The following ABCA12 variants were observed in gnomAD, a reference collection of about 807,000 sequenced individuals.
ABCA12 encodes the protein glucosylceramide transporter ABCA12.
ABCA12 carries 156 observed loss-of-function variants against 293.5 expected under a neutral mutation model. The observed-to-expected ratio is 0.53, with a 90% CI of 0.47 to 0.61. The LOEUF (loss-of-function observed/expected upper bound fraction) is 0.61, where lower values mean the gene tolerates loss of function less well. ABCA12 is among the 20% of genes least tolerant of loss of function. The pLI, the probability that ABCA12 is intolerant of heterozygous loss-of-function variation, is 0.00. For synonymous variants in ABCA12, 1,063 were observed against 1,108.0 expected, an observed-to-expected ratio of 0.96 and a Z score of 0.81; for missense variants, 2,797 against 3,090.2, an observed-to-expected ratio of 0.91 and a Z score of 2.25.
intron 1 of ABCA12, among the ~76,000 whole-genome samples, chr2:215,133,149 A>ATTTTTTTTTTTTTTTTTTT: frequency 2.9e-5 from 1 of 34,832 alleles, no homozygotes; most frequent in Non-Finnish European, 7.1e-5. Flanking sequence ...GCTGGCTTTA[A>ATTTTTTTTTTTTTTTTTTT]TTTTTTTTTT....
intron 2 of ABCA12, among the ~76,000 whole-genome samples, chr2:215,078,306 A>G (rs1701872168): frequency 6.6e-6 from 1 of 152,228 alleles, no homozygotes; most frequent in East Asian, 1.9e-4. Context: ...TTCATTGGCA[A>G]ACTCAGGCCA....
chr2:214,968,024 A>G (rs1699303834), intron 38 of ABCA12, among the ~76,000 whole-genome samples: 1 of 152,182 alleles, frequency 6.6e-6, no homozygotes, highest in South Asian at 2.1e-4. Context: ...ATTTGGTTAA[A>G]GTTTCCAGGT....
In ABCA12 at chr2:214,945,042, T is replaced by C; in HGVS notation, c.7302A>G (p.Glu2434=). The C allele has an allele frequency of 6.2e-7, 1 of 1,613,848 alleles. No homozygotes were observed. Among genetic ancestry groups the C allele is most frequent in the Non-Finnish European group, 8.5e-7 (1 of 1,179,888 alleles). The change falls in exon 49 of 53, where the codon GAA becomes GAG. Residue 2434 remains glutamate (E), a synonymous_variant. Transcript: ENST00000272895. ...TGACGGAACATTTGTTCTGTACTTC[T>C]TCTGAAATGATCTTCCAGAGGTGCC... ...SKRHLWKIIS[E]EVQNKCSVIL... is the part of the protein sequence containing the mutation.
At chr2:215,131,224 A>T (rs191037008) in intron 1 of ABCA12, among the ~76,000 whole-genome samples, 9 of 152,010 alleles carry the variant, frequency 5.9e-5, no homozygotes, top group South Asian at 4.1e-4. Flanking sequence ...GATTTTGATA[A>T]GCATGGTGAT....
rs553939103 is a variant in ABCA12 at position 214,935,262 on chromosome 2, G to C, written c.7543-1047C>G. On this transcript the variant is annotated intron_variant, in intron 51 of 52. Transcript: ENST00000272895. Reference sequence around the variant, plus strand: ...AACCACCACAAATTTGTAAAGAATGGTCTGCTAGGGAGAAATCAGACTTTT... The same window carrying C: ...AACCACCACAAATTTGTAAAGAATGCTCTGCTAGGGAGAAATCAGACTTTT... Among the ~76,000 whole-genome samples the C allele has an allele frequency of 1.2e-4, 19 of 152,222 alleles. No homozygotes were observed. In the South Asian group the frequency reaches 3.7e-3, roughly 30 times the overall value.
chr2:214,939,555 A>C (rs1300525987), intron 50 of ABCA12, among the ~76,000 whole-genome samples: 1 of 152,210 alleles, frequency 6.6e-6, no homozygotes, highest in African/African-American at 2.4e-5. Flanking sequence ...TACTTTGGAC[A>C]GTATGGCCAT....
At chr2:215,051,859 A>G (rs1201102919) in intron 5 of ABCA12, among the ~76,000 whole-genome samples, 2 of 152,122 alleles carry the variant, frequency 1.3e-5, no homozygotes, top group African/African-American at 4.8e-5. Context: ...GTAGTTACAA[A>G]GAGCACGTGT....
intron 2 of ABCA12, among the ~76,000 whole-genome samples, chr2:215,090,872 C>A (rs539113601): frequency 8.5e-5 from 13 of 152,266 alleles, no homozygotes; most frequent in Non-Finnish European, 1.9e-4. Context: ...TTCTAAAAAA[C>A]TTAAAACCTC....
chr2:215,100,080 T>C (rs1397854289), intron 2 of ABCA12, among the ~76,000 whole-genome samples: 1 of 151,472 alleles, frequency 6.6e-6, no homozygotes, highest in East Asian at 1.9e-4. Context: ...AGTGGCACAA[T>C]CATGGCTCAC....
At chr2:215,101,249 T>C (rs2106117055) in intron 2 of ABCA12, among the ~76,000 whole-genome samples, 1 of 152,328 alleles carries the variant, frequency 6.6e-6, no homozygotes, top group African/African-American at 2.4e-5. Context: ...TTCACAGTGA[T>C]GAGCTGATCT....
chr2:215,003,255 A>T (rs1245869797), intron 20 of ABCA12, among the ~76,000 whole-genome samples: 1 of 152,146 alleles, frequency 6.6e-6, no homozygotes, highest in Non-Finnish European at 1.5e-5. Flanking sequence ...ACACAGCCTG[A>T]ATTAGATGTC....
chr2:215,050,862 C>CAGAG (rs1701305996), intron 5 of ABCA12: 2 of 976,462 alleles, frequency 2.0e-6, no homozygotes, highest in Non-Finnish European at 2.4e-6. Flanking sequence ...AAAGAGGAAT[C>CAGAG]AGAGAGATTG....
intron 33 of ABCA12, among the ~76,000 whole-genome samples, 170 bp downstream of exon 33, chr2:214,978,146 G>C (rs189188077): frequency 6.6e-5 from 10 of 152,214 alleles, no homozygotes; most frequent in Admixed American, 6.5e-4. Context: ...ATTCGATTTG[G>C]TTTAATGAAT....
intron 2 of ABCA12, among the ~76,000 whole-genome samples, chr2:215,090,695 G>A (rs1219603447): frequency 1.3e-5 from 2 of 152,078 alleles, no homozygotes; most frequent in African/African-American, 2.4e-5. Flanking sequence ...TCACCACGGG[G>A]ATGCCTGTCT....
At chr2:215,058,710 G>A (rs1164848372) in intron 3 of ABCA12, among the ~76,000 whole-genome samples, 2 of 151,966 alleles carry the variant, frequency 1.3e-5, no homozygotes, top group South Asian at 4.1e-4. Context: ...GGTACGATGG[G>A]CATGGCTAAG....
At position 214,932,553 on chromosome 2, in the gene ABCA12, T is replaced by C; in HGVS notation, c.*81A>G. 2.0e-6 allele frequency: 2 copies of C among 989,096 alleles called. No homozygotes were observed. Among genetic ancestry groups the C allele is most frequent in the Non-Finnish European group, 3.2e-6 (2 of 624,980 alleles). The allele number at this position is 989,096 out of a possible 1,614,324, so 61.3% of individuals were successfully genotyped here. A position where few individuals can be genotyped will look rare whatever the true frequency, so the allele number is the denominator to read the frequency against. Reference sequence around the variant, plus strand: ...ATTACTTTACTTTAAAATGAAGATATCTTGCGGAAGTGTATCTTCTGTGGC... The same window carrying C: ...ATTACTTTACTTTAAAATGAAGATACCTTGCGGAAGTGTATCTTCTGTGGC... On this transcript the variant is annotated 3_prime_UTR_variant, in exon 53 of 53. Coordinates refer to ENST00000272895, the MANE Select transcript of ABCA12 (RefSeq NM_173076.3).
intron 11 of ABCA12, among the ~76,000 whole-genome samples, chr2:215,021,119 A>C (rs1350520946): frequency 6.6e-6 from 1 of 152,198 alleles, no homozygotes; most frequent in African/African-American, 2.4e-5. Context: ...TGAGTGTTGG[A>C]ATTACAGATG....
At chr2:214,967,737 C>A (rs1375339921) in intron 38 of ABCA12, among the ~76,000 whole-genome samples, 1 of 152,068 alleles carries the variant, frequency 6.6e-6, no homozygotes, top group Non-Finnish European at 1.5e-5. Flanking sequence ...ATTTATCACA[C>A]AGGGATGCTG....
rs182291397 is a variant in ABCA12, at chr2:214,965,081, C to T, written c.5884+1767G>A. 3.0e-3 allele frequency among the ~76,000 whole-genome samples: 454 copies of T among 152,174 alleles called. 3 individuals carry two copies. The highest frequency in any genetic ancestry group is 0.014 in the Middle Eastern group (4 of 294). On this transcript the variant is annotated intron_variant, in intron 39 of 52. Transcript: ENST00000272895. ...ACTCAGAAATAAGACCACATACCTA[C>T]GACCATCTGATCTCTGACAAACCTG...
Sources: allele counts gnomAD v4.1 joint callset (sites outside exome capture counted in the v4.1 genomes callset), GRCh38; gene constraint gnomAD v4.1.1; transcripts MANE v1.5; gene names NCBI Gene and HGNC (gene_info 2026-07-23, HGNC 2026-07-21).